Variants in RAB11FIP3 observed in about 807,000 individuals in gnomAD.
The protein encoded by RAB11FIP3 is RAB11 family interacting protein 3.
In RAB11FIP3, 17 loss-of-function variants were observed where a neutral mutation model predicts 77.8. That is an observed-to-expected ratio of 0.22 (90% confidence interval 0.15 to 0.33). The LOEUF is 0.33. RAB11FIP3 is among the 10% of genes least tolerant of loss of function. The probability of loss-of-function intolerance (pLI) is 1.00; values close to 1 mark genes in which losing one functional copy is unlikely to be tolerated. For missense variants in RAB11FIP3, 1,005 were observed against 1,011.2 expected (o/e 0.99, Z 0.08); for synonymous variants, 437 against 448.2 (o/e 0.98, Z 0.31).
intron 9 of RAB11FIP3, 86 bp from the exon 10 acceptor site, chr16:518,857 G>A: frequency 7.0e-7 from 1 of 1,427,088 alleles, no homozygotes; most frequent in Non-Finnish European, 9.8e-7. Context: ...GGCGGCCCCA[G>A]CAGGGTTTCC....
intron 1 of RAB11FIP3, among the ~76,000 whole-genome samples, chr16:453,119 A>G (rs1311236417): frequency 6.8e-6 from 1 of 147,592 alleles, no homozygotes; most frequent in Non-Finnish European, 1.5e-5. Context: ...TCTGTTGCCC[A>G]GGCTAGAGTG....
At chr16:441,002 G>A (rs1160872281) in intron 1 of RAB11FIP3, among the ~76,000 whole-genome samples, 4 of 151,898 alleles carry the variant, frequency 2.6e-5, no homozygotes. Flanking sequence ...GTGCATTGGT[G>A]CAATCTCGGC....
Position 505,532 on chromosome 16 carries a change from C to A in RAB11FIP3, c.1404C>A (p.Phe468Leu). The part of the protein sequence containing the change: ...PEEDIADKVV[F>L]LERRVLELEK... ...CTGGTCTCATTGCCAAGGTTGTCTT[C>A]CTGGAAAGGCGTGTGCTGGAGCTGG... Residue 468 changes from phenylalanine to leucine, a missense_variant, in exon 8 of 14, where the codon TTC (phenylalanine) becomes TTA (leucine). Phe to Leu is a conservative substitution (Grantham distance 22). This residue lies in a region of RAB11FIP3 where 433 missense variants were observed against 436.1 expected (regional missense o/e 0.99). Coordinates refer to ENST00000262305, the MANE Select transcript of RAB11FIP3 (RefSeq NM_014700.4). The surrounding 1 kb of genome is among the most constrained non-coding windows in gnomAD (Gnocchi z 4.0). 2 of 1,608,478 alleles carry A rather than the reference C, an allele frequency of 1.2e-6. No homozygotes were observed. Among genetic ancestry groups the A allele is most frequent in the Non-Finnish European group, 1.7e-6 (2 of 1,179,266 alleles).
At chr16:491,318 C>CT in intron 5 of RAB11FIP3, 2 of 1,283,742 alleles carry the variant, frequency 1.6e-6, no homozygotes, top group South Asian at 2.5e-5. Context: ...GTGTGGGGGA[C>CT]TCCGGATACC....
intron 2 of RAB11FIP3, among the ~76,000 whole-genome samples, chr16:468,548 C>G (rs1236055943): frequency 6.6e-6 from 1 of 152,086 alleles, no homozygotes; most frequent in African/African-American, 2.4e-5. Context: ...GGTGTTAGCT[C>G]CATCGTGGCT....
At chr16:500,134 T>A (rs556147020) in intron 6 of RAB11FIP3, among the ~76,000 whole-genome samples, 3 of 152,182 alleles carry the variant, frequency 2.0e-5, no homozygotes, top group Admixed American at 6.5e-5. Context: ...TCCAGTCAGC[T>A]GTGTGTGCAG....
chr16:475,243 C>A, intron 3 of RAB11FIP3: 1 of 978,014 alleles, frequency 1.0e-6, no homozygotes, highest in Non-Finnish European at 1.4e-6. Flanking sequence ...TCTCTGTCCG[C>A]TGGTGATTTA....
At chr16:483,873 G>A (rs999622209) in intron 4 of RAB11FIP3, among the ~76,000 whole-genome samples, 2 of 151,938 alleles carry the variant, frequency 1.3e-5, no homozygotes, top group Non-Finnish European at 2.9e-5. Flanking sequence ...GAAGATCTTC[G>A]CATCTGCTTT....
chr16:519,748 C>G lies in RAB11FIP3; in HGVS notation c.1723-6C>G. 1 of 1,612,188 alleles carries G rather than the reference C, an allele frequency of 6.2e-7. No individual in the cohort carries two copies. Among genetic ancestry groups the G allele is most frequent in the South Asian group, 1.1e-5 (1 of 90,880 alleles). ...CCGCATCCAGGGCAGGTGTCCACCC[C>G]TGCAGGAGAAGCAGAAGCTGTTGGA... On this transcript the variant is annotated splice_region_variant and splice_polypyrimidine_tract_variant and intron_variant, in intron 10 of 13. Coordinates refer to ENST00000262305, the MANE Select transcript of RAB11FIP3 (RefSeq NM_014700.4).
intron 9 of RAB11FIP3, among the ~76,000 whole-genome samples, chr16:516,634 T>C (rs1212991636): frequency 6.6e-6 from 1 of 151,222 alleles, no homozygotes; most frequent in African/African-American, 2.4e-5. Flanking sequence ...CCCAGCACTT[T>C]GGGAGGCCGA....
At chr16:437,555 G>A (rs1434733568) in intron 1 of RAB11FIP3, among the ~76,000 whole-genome samples, 2 of 144,756 alleles carry the variant, frequency 1.4e-5, no homozygotes, top group Non-Finnish European at 3.0e-5. Context: ...GGACAACAAG[G>A]GTGAAACTCC....
At chr16:516,567 T>A (rs1420718888) in intron 9 of RAB11FIP3, among the ~76,000 whole-genome samples, 1 of 152,156 alleles carries the variant, frequency 6.6e-6, no homozygotes, top group Non-Finnish European at 1.5e-5. Context: ...ATGACACAGA[T>A]AAATTATCAT....
chr16:430,981 C>T (rs1305562930), intron 1 of RAB11FIP3, among the ~76,000 whole-genome samples: 2 of 152,236 alleles, frequency 1.3e-5, no homozygotes, highest in African/African-American at 2.4e-5. Context: ...TGAGCCGTAG[C>T]GCCCAGCCTG....
At chr16:462,658 C>T (rs1429093465) in intron 2 of RAB11FIP3, among the ~76,000 whole-genome samples, 2 of 150,948 alleles carry the variant, frequency 1.3e-5, no homozygotes, top group Non-Finnish European at 3.0e-5. Context: ...ATCCCTTCCG[C>T]AGCACCGTCC....
chr16:439,510 T>C (rs891561160), intron 1 of RAB11FIP3: 6 of 152,226 alleles, frequency 3.9e-5, no homozygotes, highest in African/African-American at 1.4e-4. Context: ...TGTGTGCCAC[T>C]AAAACCGGCG....
At chr16:492,443 C>CGTCCAGA (rs2030536683) in intron 5 of RAB11FIP3, among the ~76,000 whole-genome samples, 1 of 141,740 alleles carries the variant, frequency 7.1e-6, no homozygotes, top group African/African-American at 2.6e-5. Context: ...GACCCGAGGC[C>CGTCCAGA]GCCCAGGGCC....
At chr16:436,876 G>A (rs2055138965) in intron 1 of RAB11FIP3, among the ~76,000 whole-genome samples, 1 of 152,102 alleles carries the variant, frequency 6.6e-6, no homozygotes, top group South Asian at 2.1e-4. Flanking sequence ...ATCTTGCTAG[G>A]CCAACAAATT....
intron 5 of RAB11FIP3, chr16:491,160 A>C: frequency 7.7e-7 from 1 of 1,303,590 alleles, no homozygotes; most frequent in East Asian, 5.6e-5. Context: ...GCAAAGCTGC[A>C]CAGCATCCTC....
chr16:519,329 A>G (rs1160274231), intron 10 of RAB11FIP3, among the ~76,000 whole-genome samples: 1 of 152,204 alleles, frequency 6.6e-6, no homozygotes, highest in African/African-American at 2.4e-5. Flanking sequence ...GAGGCTACAC[A>G]TGGGGCTCCC....
Sources: gnomAD v4.1 joint callset for allele counts (sites outside exome capture counted in the v4.1 genomes callset) on GRCh38, gnomAD v4.1.1 for gene constraint, gnomAD v4.1.1 regional missense constraint, Gnocchi (gnomAD v3.1) non-coding constraint, MANE v1.5 for transcripts, NCBI Gene and HGNC (gene_info 2026-07-23, HGNC 2026-07-21) for gene names.